FOXO1: variants seen among roughly 807,000 people sequenced by gnomAD.
FOXO1 encodes forkhead box protein O1.
A neutral mutation model predicts 44.1 loss-of-function variants in FOXO1; 6 were observed. That is an observed-to-expected ratio of 0.14 (90% confidence interval 0.07 to 0.27). The LOEUF (loss-of-function observed/expected upper bound fraction) is 0.27, where lower values mean the gene tolerates loss of function less well. Ranked by LOEUF, FOXO1 falls within the 10% of genes least tolerant of loss-of-function variation. The probability of loss-of-function intolerance (pLI) is 1.00; values close to 1 mark genes in which losing one functional copy is unlikely to be tolerated. For missense variants in FOXO1, 737 were observed against 888.8 expected (o/e 0.83, Z 2.17); for synonymous variants, 380 against 362.7 (o/e 1.05, Z -0.54).
chr13:40,653,670 T>G (rs936231801), intron 1 of FOXO1, among the ~76,000 whole-genome samples: 1 of 152,236 alleles, frequency 6.6e-6, no homozygotes, highest in African/African-American at 2.4e-5. Context: ...GCTTTTTTAC[T>G]GCAGTTACAA....
chr13:40,629,198 A>G (rs1408664940), intron 1 of FOXO1, among the ~76,000 whole-genome samples: 1 of 151,278 alleles, frequency 6.6e-6, no homozygotes, highest in Non-Finnish European at 1.5e-5. Flanking sequence ...GCTGGAGTGC[A>G]GTGGTGCAAT....
intron 1 of FOXO1, among the ~76,000 whole-genome samples, chr13:40,664,217 G>A (rs758402063): frequency 6.6e-6 from 1 of 152,218 alleles, no homozygotes; most frequent in Non-Finnish European, 1.5e-5. Context: ...AGGTTGCAGT[G>A]AGCCGAGATC....
At chr13:40,640,236 A>G (rs981036072) in intron 1 of FOXO1, among the ~76,000 whole-genome samples, 10 of 152,238 alleles carry the variant, frequency 6.6e-5, no homozygotes, top group Non-Finnish European at 1.5e-5. Context: ...AAGGGAATTA[A>G]AAGAATTGCT....
At chr13:40,609,084 T>C (rs1287296519) in intron 1 of FOXO1, among the ~76,000 whole-genome samples, 2 of 152,210 alleles carry the variant, frequency 1.3e-5, no homozygotes, top group African/African-American at 4.8e-5. Context: ...TGTCCTTCAA[T>C]TGTGCCATTT....
At chr13:40,620,133 C>G in intron 1 of FOXO1, 1 of 1,363,540 alleles carries the variant, frequency 7.3e-7, no homozygotes, top group Non-Finnish European at 1.0e-6. Flanking sequence ...ATACCCCATT[C>G]TCTAATTCAA....
chr13:40,566,696 CTCAT>C (rs1239716686), intron 1 of FOXO1, among the ~76,000 whole-genome samples: 3 of 152,098 alleles, frequency 2.0e-5, no homozygotes, highest in Non-Finnish European at 4.4e-5. Flanking sequence ...AATTTTTTAT[CTCAT>C]TCTTTTAAAA....
At chr13:40,618,376 C>G (rs934562669) in intron 1 of FOXO1, among the ~76,000 whole-genome samples, 1 of 152,200 alleles carries the variant, frequency 6.6e-6, no homozygotes, top group Non-Finnish European at 1.5e-5. Context: ...ACACCTGGCC[C>G]TGAAAACTTT....
At chr13:40,654,726 A>C (rs1375220885) in intron 1 of FOXO1, among the ~76,000 whole-genome samples, 1 of 152,160 alleles carries the variant, frequency 6.6e-6, no homozygotes, top group African/African-American at 2.4e-5. Flanking sequence ...AGCACTTCCC[A>C]GATGAGGGGT....
Position 40,630,609 on chromosome 13 carries a change from C to T in FOXO1, c.630+34974G>A, listed in dbSNP as rs371309225. 2.0e-3 allele frequency among the ~76,000 whole-genome samples: 296 copies of T among 151,512 alleles called. 1 individual carries two copies. Among genetic ancestry groups the T allele is most frequent in the African/African-American group, 6.9e-3 (283 of 41,294 alleles). ...GGTGGAGGTTGGGGTGGGCCGAGATCGCGCCACTGCACTCCAGACTGGGCG... is the reference window on the plus strand; with the variant it reads ...GGTGGAGGTTGGGGTGGGCCGAGATTGCGCCACTGCACTCCAGACTGGGCG... On this transcript the variant is annotated intron_variant, in intron 1 of 2. Transcript: ENST00000379561.
intron 1 of FOXO1, among the ~76,000 whole-genome samples, chr13:40,624,047 T>C (rs201685917): frequency 3.3e-5 from 5 of 151,658 alleles, no homozygotes; most frequent in East Asian, 1.9e-4. Flanking sequence ...GAGGCTGTAA[T>C]GAGCTGTGAT....
At chr13:40,664,727 GA>G (rs1350421585) in intron 1 of FOXO1, among the ~76,000 whole-genome samples, 1 of 152,158 alleles carries the variant, frequency 6.6e-6, no homozygotes, top group East Asian at 1.9e-4. Flanking sequence ...CCCGCATGGA[GA>G]AACGCTGGCC....
At chr13:40,580,392 A>G (rs761999095) in intron 1 of FOXO1, among the ~76,000 whole-genome samples, 13 of 152,192 alleles carry the variant, frequency 8.5e-5, no homozygotes, top group Admixed American at 2.0e-4. Flanking sequence ...ACACAAAACT[A>G]GTGGCTGAGG....
Position 40,560,864 on chromosome 13 carries a change from TA to T in FOXO1, c.631-5del. 6.3e-7 allele frequency: 1 copy of T among 1,594,050 alleles called. No individual in the cohort carries two copies. ...ACAGATTATGACGAATTGAATTCTG[TA>T]AGGCAAAACATCTTATTAGAAGTAC... On this transcript the variant is annotated splice_polypyrimidine_tract_variant and splice_region_variant and intron_variant, in intron 1 of 2. Transcript: ENST00000379561. This position sits in a 1 kb window ranked among gnomAD's most constrained non-coding sequence, Gnocchi z 5.1.
intron 1 of FOXO1, among the ~76,000 whole-genome samples, chr13:40,614,966 A>G (rs1412213622): frequency 2.0e-5 from 3 of 152,214 alleles, no homozygotes; most frequent in Admixed American, 2.0e-4. Flanking sequence ...GTCTTTGCCA[A>G]GCTCCAGAAG....
In FOXO1 at chr13:40,555,772, T is replaced by A. The variant is rs1379915623; in HGVS notation, c.*3277A>T. ...AGAAAGACACCAAGCCATTTAAACATAATTTATGTACATTTATGGCTTTAT... is the reference window on the plus strand; with the variant it reads ...AGAAAGACACCAAGCCATTTAAACAAAATTTATGTACATTTATGGCTTTAT... On this transcript the variant is annotated 3_prime_UTR_variant, in exon 3 of 3. Transcript: ENST00000379561. 2.0e-5 allele frequency: 3 copies of A among 152,702 alleles called. No homozygotes were observed. The highest frequency in any genetic ancestry group is 2.0e-4 in the Admixed American group (3 of 15,292). 9.5% of individuals were successfully genotyped at this position (152,702 alleles called of 1,614,324 possible). A position where few individuals can be genotyped will look rare whatever the true frequency, so the allele number is the denominator to read the frequency against.
intron 1 of FOXO1, among the ~76,000 whole-genome samples, chr13:40,584,484 A>C (rs1047533950): frequency 2.3e-5 from 2 of 88,444 alleles, no homozygotes; most frequent in African/African-American, 7.0e-5. Flanking sequence ...AAAAAAAAAA[A>C]AAAAAAAAAA....
chr13:40,655,343 C>T (rs1193207095), intron 1 of FOXO1, among the ~76,000 whole-genome samples: 7 of 126,982 alleles, frequency 5.5e-5, no homozygotes, highest in Non-Finnish European at 9.9e-5. Flanking sequence ...AGTTAGACCC[C>T]ATCTCAAAAA....
intron 1 of FOXO1, among the ~76,000 whole-genome samples, chr13:40,607,588 A>G (rs1260881085): frequency 6.6e-6 from 1 of 152,108 alleles, no homozygotes; most frequent in Non-Finnish European, 1.5e-5. Context: ...AGATTCTATA[A>G]CCCCAAACAC....
At chr13:40,589,609 A>G (rs1875295225) in intron 1 of FOXO1, among the ~76,000 whole-genome samples, 1 of 152,264 alleles carries the variant, frequency 6.6e-6, no homozygotes, top group South Asian at 2.1e-4. Flanking sequence ...ATTAACCACT[A>G]ACATAAGTCA....
Sources: allele counts gnomAD v4.1 joint callset (sites outside exome capture counted in the v4.1 genomes callset), GRCh38; gene constraint gnomAD v4.1.1; non-coding constraint Gnocchi (gnomAD v3.1); transcripts MANE v1.5; gene names NCBI Gene and HGNC (gene_info 2026-07-23, HGNC 2026-07-21).